Variants in RNF121 observed in about 807,000 individuals in gnomAD.
RNF121 encodes the protein E3 ubiquitin ligase RNF121.
A neutral mutation model predicts 46.5 loss-of-function variants in RNF121; 21 were observed. The ratio of observed to expected loss-of-function variants is 0.45; its 90% CI spans 0.32 to 0.65. RNF121 has a LOEUF of 0.65. Ranked by LOEUF, RNF121 falls within the 30% of genes least tolerant of loss-of-function variation. RNF121 has a pLI of 0.04. For missense variants in RNF121, 346 were observed against 416.0 expected, an observed-to-expected ratio of 0.83 and a Z score of 1.46; for synonymous variants, 139 against 144.7, an observed-to-expected ratio of 0.96 and a Z score of 0.28.
intron 6 of RNF121, among the ~76,000 whole-genome samples, chr11:71,992,992 T>A (rs1471056292): frequency 1.3e-5 from 2 of 152,210 alleles, no homozygotes. Context: ...TCACCTTGGG[T>A]AACTTTAATC....
intron 3 of RNF121, among the ~76,000 whole-genome samples, chr11:71,977,142 T>C (rs773015044): frequency 3.9e-5 from 6 of 152,234 alleles, no homozygotes; most frequent in Non-Finnish European, 8.8e-5. Context: ...TCTACCTTTA[T>C]TCTACTACTT....
At chr11:71,986,881 C>T (rs909944979) in intron 4 of RNF121, 123 bp from the exon 5 acceptor site, 3 of 639,954 alleles carry the variant, frequency 4.7e-6, no homozygotes, top group African/African-American at 1.8e-5. Context: ...TGAAGTTGCT[C>T]AGTAAGTCCT....
rs566242757 is a variant in RNF121, at chr11:71,951,166, G to A, written c.64-6061G>A. 6.1e-5 allele frequency among the ~76,000 whole-genome samples: 9 copies of A among 148,082 alleles called. No homozygotes were observed. In the South Asian group the frequency reaches 1.9e-3, roughly 31 times the overall value. On this transcript the variant is annotated intron_variant, in intron 1 of 8. Coordinates refer to ENST00000361756, the MANE Select transcript of RNF121 (RefSeq NM_018320.5). ...TTGAACCTGGGAGGCAGAGGTTGCG[G>A]TAAGCCGAGATTGTGCCATTGCACA...
At chr11:71,960,672 G>C in intron 2 of RNF121, 78 bp from the exon 3 acceptor site, 1 of 1,526,034 alleles carries the variant, frequency 6.6e-7, no homozygotes, top group Non-Finnish European at 8.9e-7. Flanking sequence ...ATGTACTGGT[G>C]GGATATCCCT....
chr11:71,930,533 C>A (rs919385752), intron 1 of RNF121, among the ~76,000 whole-genome samples: 3 of 50,382 alleles, frequency 6.0e-5, no homozygotes. Flanking sequence ...CTTCTACCTC[C>A]CAATCACTAG....
At chr11:71,978,995 T>C (rs1192316034) in intron 3 of RNF121, among the ~76,000 whole-genome samples, 1 of 152,252 alleles carries the variant, frequency 6.6e-6, no homozygotes. Flanking sequence ...GTCTGAAGGC[T>C]AACAGAATCA....
chr11:71,950,547 G>A (rs569763860), intron 1 of RNF121, among the ~76,000 whole-genome samples: 22 of 151,460 alleles, frequency 1.5e-4, no homozygotes, highest in African/African-American at 4.4e-4. Context: ...TCATGCCATC[G>A]CACTCCAGTC....
chr11:71,996,392 C>G lies in RNF121; in HGVS notation c.*77C>G. On this transcript the variant is annotated 3_prime_UTR_variant, in exon 9 of 9. Coordinates refer to ENST00000361756, the MANE Select transcript of RNF121 (RefSeq NM_018320.5). ...CACTCTCCTCCCTGCCCACAAAGAC[C>G]TCCTGGGTGGGAAAGACTCAAAGGG... 1 of 1,556,204 alleles carries G rather than the reference C, an allele frequency of 6.4e-7. No individual in the cohort carries two copies. The highest frequency in any genetic ancestry group is 8.7e-7 in the Non-Finnish European group (1 of 1,145,160).
intron 1 of RNF121, among the ~76,000 whole-genome samples, chr11:71,946,460 C>T (rs1012807652): frequency 6.6e-6 from 1 of 152,180 alleles, no homozygotes; most frequent in African/African-American, 2.4e-5. Context: ...ACTCCTGACT[C>T]ACAGGATTTT....
chr11:71,981,144 G>A (rs1398331099), intron 3 of RNF121, among the ~76,000 whole-genome samples: 1 of 151,944 alleles, frequency 6.6e-6, no homozygotes, highest in African/African-American at 2.4e-5. Flanking sequence ...CACCTCTTGG[G>A]TTCACACCAT....
At chr11:71,994,505 C>T (rs1954933084) in intron 6 of RNF121, among the ~76,000 whole-genome samples, 1 of 152,014 alleles carries the variant, frequency 6.6e-6, no homozygotes. Flanking sequence ...AGTCTGGTCA[C>T]TTCTCCCCAT....
At chr11:71,948,429 C>T (rs1565144301) in intron 1 of RNF121, among the ~76,000 whole-genome samples, 2 of 142,998 alleles carry the variant, frequency 1.4e-5, no homozygotes, top group Non-Finnish European at 3.0e-5. Context: ...GCATGAGAAT[C>T]GCTTGAACCT....
chr11:71,963,491 G>A (rs574552072), intron 3 of RNF121, among the ~76,000 whole-genome samples: 4 of 152,152 alleles, frequency 2.6e-5, no homozygotes, highest in East Asian at 1.9e-4. Flanking sequence ...GTGGTGGCAC[G>A]TGCCTGTAAT....
intron 3 of RNF121, among the ~76,000 whole-genome samples, chr11:71,982,380 T>C (rs1954682136): frequency 6.7e-6 from 1 of 148,436 alleles, no homozygotes; most frequent in Admixed American, 6.7e-5. Context: ...ATCCTTTGAC[T>C]GTTTAAGGGT....
At position 71,996,475 on chromosome 11, in the gene RNF121, A is replaced by C. The variant is rs1215553949; in HGVS notation, c.*160A>C. 1.3e-6 allele frequency: 1 copy of C among 747,902 alleles called. No homozygotes were observed. The highest frequency in any genetic ancestry group is 2.1e-5 in the South Asian group (1 of 48,566). The allele number at this position is 747,902 out of a possible 1,614,324, so 46.3% of individuals were successfully genotyped here. On this transcript the variant is annotated 3_prime_UTR_variant, in exon 9 of 9. Coordinates refer to ENST00000361756, the MANE Select transcript of RNF121 (RefSeq NM_018320.5). ...GTCGGACTGGGGAGGGATATGATGG[A>C]GAGCCAGCCAGTGGGGCTGTCAGCA...
chr11:71,985,042 C>G (rs1436175681), intron 4 of RNF121, among the ~76,000 whole-genome samples: 1 of 152,190 alleles, frequency 6.6e-6, no homozygotes, highest in Non-Finnish European at 1.5e-5. Context: ...CCATCTCAGT[C>G]TCTGTAGTAG....
chr11:71,981,949 G>A (rs747071037), intron 3 of RNF121, among the ~76,000 whole-genome samples: 30 of 152,132 alleles, frequency 2.0e-4, no homozygotes, highest in African/African-American at 7.2e-4. Context: ...TGCGTTTGGA[G>A]CACTAGAAAG....
At chr11:71,983,753 C>T (rs981316884) in intron 4 of RNF121, 1 of 152,262 alleles carries the variant, frequency 6.6e-6, no homozygotes, top group Non-Finnish European at 1.5e-5. Context: ...CAAGAAAGCT[C>T]CTGTTGCAGT....
intron 3 of RNF121, among the ~76,000 whole-genome samples, chr11:71,975,509 G>A (rs1004957694): frequency 6.6e-6 from 1 of 152,182 alleles, no homozygotes; most frequent in East Asian, 1.9e-4. Flanking sequence ...AGGGGGGTGG[G>A]TTCTCCACTT....
Sources: allele counts gnomAD v4.1 joint callset (sites outside exome capture counted in the v4.1 genomes callset), GRCh38; gene constraint gnomAD v4.1.1; transcripts MANE v1.5; gene names NCBI Gene and HGNC (gene_info 2026-07-23, HGNC 2026-07-21).